Variants in CERS3 observed in about 807,000 individuals in gnomAD.
The protein encoded by CERS3 is ceramide synthase 3, also known as LAG1 homolog, ceramide synthase 3.
A neutral mutation model predicts 50.3 loss-of-function variants in CERS3; 33 were observed. The ratio of observed to expected loss-of-function variants is 0.66; its 90% CI spans 0.50 to 0.88. The LOEUF is 0.88. Ranked by LOEUF, CERS3 falls within the 40% of genes least tolerant of loss-of-function variation. The pLI, the probability that CERS3 is intolerant of heterozygous loss-of-function variation, is 0.00. For missense variants in CERS3, 470 were observed against 460.3 expected, an observed-to-expected ratio of 1.02 and a Z score of -0.19; for synonymous variants, 176 against 155.2, an observed-to-expected ratio of 1.13 and a Z score of -0.99.
chr15:100,435,616 G>C (rs1433480012), intron 11 of CERS3, among the ~76,000 whole-genome samples: 1 of 152,190 alleles, frequency 6.6e-6, no homozygotes, highest in Non-Finnish European at 1.5e-5. Flanking sequence ...AGCCAGAATT[G>C]ACAAATGGGA....
intron 11 of CERS3, among the ~76,000 whole-genome samples, chr15:100,429,846 C>G (rs2033021664): frequency 6.6e-6 from 1 of 152,120 alleles, no homozygotes; most frequent in African/African-American, 2.4e-5. Flanking sequence ...CAAATTCCCA[C>G]CACTTTAATC....
At chr15:100,480,923 G>T (rs1211484646) in intron 5 of CERS3, among the ~76,000 whole-genome samples, 2 of 151,964 alleles carry the variant, frequency 1.3e-5, no homozygotes, top group Non-Finnish European at 2.9e-5. Flanking sequence ...GCTGGTGATG[G>T]GTAATAACAC....
chr15:100,441,800 T>C (rs530842293), intron 11 of CERS3, among the ~76,000 whole-genome samples: 293 of 121,848 alleles, frequency 2.4e-3, no homozygotes, highest in African/African-American at 8.0e-3. Context: ...TACACATCAG[T>C]CCCCCCCAGT....
intron 1 of CERS3, among the ~76,000 whole-genome samples, chr15:100,527,283 C>T (rs903521007): frequency 6.6e-6 from 1 of 152,236 alleles, no homozygotes; most frequent in African/African-American, 2.4e-5. Context: ...AGTGACAGAG[C>T]AAGACTCCAT....
chr15:100,423,803 T>TGAA (rs2032625354), intron 11 of CERS3, among the ~76,000 whole-genome samples: 1 of 152,158 alleles, frequency 6.6e-6, no homozygotes, highest in Non-Finnish European at 1.5e-5. Flanking sequence ...ATGTAAGATG[T>TGAA]GCCTGCTTCC....
chr15:100,480,120 G>T, intron 5 of CERS3, 74 bp from the exon 6 acceptor site: 1 of 1,119,888 alleles, frequency 8.9e-7, no homozygotes, highest in Non-Finnish European at 1.3e-6. Context: ...ATTAGGTATG[G>T]CAGATTTTAC....
intron 2 of CERS3, among the ~76,000 whole-genome samples, chr15:100,508,065 T>C (rs1003877635): frequency 2.0e-5 from 3 of 152,226 alleles, no homozygotes; most frequent in Admixed American, 6.5e-5. Flanking sequence ...CACCCTCCTT[T>C]AGAGAAACTG....
intron 10 of CERS3, among the ~76,000 whole-genome samples, chr15:100,468,522 T>G (rs1355796410): frequency 1.3e-5 from 2 of 152,178 alleles, no homozygotes; most frequent in East Asian, 1.9e-4. Flanking sequence ...GTCTATACAC[T>G]TAAGAATGAG....
chr15:100,462,966 A>G lies in CERS3; in HGVS notation c.845+6412T>C, dbSNP rs369335983. Among the ~76,000 whole-genome samples, 4 of 152,230 alleles carry G rather than the reference A, an allele frequency of 2.6e-5. No individual in the cohort carries two copies. In the East Asian group the frequency reaches 7.7e-4, roughly 29 times the overall value. The stretch of plus-strand genomic sequence containing the variant: ...TAAGAAAATGTCCTTCTTCTTAGGC[A>G]ATACACACTGAATTACTTAGGGCAC... On this transcript the variant is annotated intron_variant, in intron 10 of 11. Coordinates refer to ENST00000679737, the MANE Select transcript of CERS3 (RefSeq NM_001378789.1).
intron 2 of CERS3, among the ~76,000 whole-genome samples, chr15:100,510,241 A>C (rs896744475): frequency 2.0e-5 from 3 of 152,322 alleles, no homozygotes; most frequent in South Asian, 4.1e-4. Flanking sequence ...TGCATTAACA[A>C]AACTATGAAT....
chr15:100,430,236 C>T (rs959313813), intron 11 of CERS3, among the ~76,000 whole-genome samples: 14 of 151,398 alleles, frequency 9.2e-5, no homozygotes, highest in African/African-American at 2.9e-4. Context: ...GGCGTGAACC[C>T]GGGAGGCGGA....
chr15:100,489,656 C>A (rs1327909963), intron 4 of CERS3, among the ~76,000 whole-genome samples: 1 of 152,028 alleles, frequency 6.6e-6, no homozygotes, highest in Non-Finnish European at 1.5e-5. Context: ...AATAATTTCC[C>A]ATTTGAAACA....
At chr15:100,495,418 T>C (rs1165284570) in intron 3 of CERS3, among the ~76,000 whole-genome samples, 4 of 152,190 alleles carry the variant, frequency 2.6e-5, no homozygotes, top group African/African-American at 7.2e-5. Flanking sequence ...ACTGTGACAA[T>C]TTTTGCTAGT....
Position 100,402,082 on chromosome 15 carries a change from A to T in CERS3, c.*631T>A, listed in dbSNP as rs985869085. ...ATGTTTAGCCAGGTTTCTGTCTCCC[A>T]AACAGTGCAAAGTGGGTTGGTTCAC... is the stretch of plus-strand genomic sequence containing the variant. On this transcript the variant is annotated 3_prime_UTR_variant, in exon 12 of 12. Transcript: ENST00000679737. The T allele has an allele frequency of 1.3e-5, 2 of 152,254 alleles. No individual in the cohort carries two copies. Among genetic ancestry groups the T allele is most frequent in the Non-Finnish European group, 2.9e-5 (2 of 68,102 alleles). The allele number at this position is 152,254 out of a possible 1,614,324, so 9.4% of individuals were successfully genotyped here. A position where few individuals can be genotyped will look rare whatever the true frequency, so the allele number is the denominator to read the frequency against.
upstream of CERS3, among the ~76,000 whole-genome samples, chr15:100,530,662 TCAAA>T (rs1374059727): frequency 6.6e-6 from 1 of 152,212 alleles, no homozygotes; most frequent in Non-Finnish European, 1.5e-5. Flanking sequence ...TCAATACTGG[TCAAA>T]CAATTAGTAC....
intron 11 of CERS3, among the ~76,000 whole-genome samples, chr15:100,411,379 C>G (rs182375318): frequency 6.6e-6 from 1 of 152,126 alleles, no homozygotes; most frequent in South Asian, 2.1e-4. Flanking sequence ...CCAGGCTGGT[C>G]TTGAACTCCT....
At chr15:100,543,660 G>A (rs903939537) in intron 1 of CERS3, among the ~76,000 whole-genome samples, 7 of 152,084 alleles carry the variant, frequency 4.6e-5, no homozygotes, top group Middle Eastern at 3.4e-3. Flanking sequence ...CTCCCCAGTA[G>A]CTGGGATCAC....
At chr15:100,475,981 G>T in intron 8 of CERS3, 105 bp downstream of exon 8, 1 of 638,988 alleles carries the variant, frequency 1.6e-6, no homozygotes, top group Non-Finnish European at 2.6e-6. Context: ...CAATGAACTG[G>T]ACCCAAAAAC....
At chr15:100,502,251 GAA>G (rs58654483) in intron 2 of CERS3, among the ~76,000 whole-genome samples, 1,652 of 113,694 alleles carry the variant, frequency 0.015, 32 homozygotes, top group African/African-American at 0.052. Flanking sequence ...CTCAAAAAAA[GAA>G]AAAAAAAAAA....
Sources: allele counts gnomAD v4.1 joint callset (sites outside exome capture counted in the v4.1 genomes callset), GRCh38; gene constraint gnomAD v4.1.1; transcripts MANE v1.5; gene names NCBI Gene and HGNC (gene_info 2026-07-23, HGNC 2026-07-21).